RICTOR: variants seen among roughly 807,000 people sequenced by gnomAD.
RICTOR encodes RPTOR independent companion of MTOR complex 2, also known as rapamycin-insensitive companion of mTOR.
Under a neutral mutation model 214.9 loss-of-function variants are expected in RICTOR, and 49 were observed. The ratio of observed to expected loss-of-function variants is 0.23; its 90% CI spans 0.18 to 0.29. The LOEUF is 0.29. Among genes scored for constraint, RICTOR ranks in the 10% least tolerant of loss-of-function variants. The pLI, the probability that RICTOR is intolerant of heterozygous loss-of-function variation, is 1.00. For missense variants in RICTOR, 1,625 were observed against 2,047.0 expected (o/e 0.79, Z 3.98); for synonymous variants, 717 against 711.3 (o/e 1.01, Z -0.13).
At chr5:38,982,408 A>T (rs186943266) in intron 7 of RICTOR, among the ~76,000 whole-genome samples, 3 of 152,110 alleles carry the variant, frequency 2.0e-5, no homozygotes. Flanking sequence ...TCATTTCTCT[A>T]TATTTTTATT....
intron 3 of RICTOR, 79 bp from the exon 4 acceptor site, chr5:39,003,701 G>C: frequency 1.3e-6 from 1 of 772,858 alleles, no homozygotes. Context: ...ATTTACACTG[G>C]AAAATAAGGT....
intron 3 of RICTOR, among the ~76,000 whole-genome samples, chr5:39,020,759 G>A (rs112757954): frequency 6.6e-6 from 1 of 152,130 alleles, no homozygotes; most frequent in East Asian, 1.9e-4. Flanking sequence ...GAAGGCAAAA[G>A]AAATACATCC....
intron 2 of RICTOR, among the ~76,000 whole-genome samples, chr5:39,060,421 G>A (rs1758466393): frequency 6.6e-6 from 1 of 151,980 alleles, no homozygotes; most frequent in African/African-American, 2.4e-5. Flanking sequence ...AGAATTAAAG[G>A]ACTCCTAAAT....
At chr5:39,039,038 G>A (rs1373678599) in intron 2 of RICTOR, among the ~76,000 whole-genome samples, 2 of 152,150 alleles carry the variant, frequency 1.3e-5, no homozygotes, top group African/African-American at 4.8e-5. Context: ...AACAAAGCTG[G>A]AGACATCATG....
In RICTOR at chr5:38,959,839, C is replaced by T; in HGVS notation, c.1991G>A (p.Gly664Glu). ...TCCATGAGGGTGGCAAGAAAGTGTT[C>T]CAATAAATAAAAAGTAGTGTTGACT... The part of the protein sequence containing the change: ...TLSQHYFLFI[G>E]TLSCHPHGVK... Residue 664 changes from glycine (G) to glutamate (E), a missense_variant, in exon 21 of 38, where the codon GGA (glycine) becomes GAA (glutamate). This residue lies in a region of RICTOR where 1,214 missense variants were observed against 1,470.5 expected (regional missense o/e 0.83). Transcript: ENST00000357387. 1 of 1,613,478 alleles carries T rather than the reference C, an allele frequency of 6.2e-7. No individual in the cohort carries two copies. Among genetic ancestry groups the T allele is most frequent in the Non-Finnish European group, 8.5e-7 (1 of 1,179,614 alleles).
At chr5:39,052,769 CCTT>C (rs1757940371) in intron 2 of RICTOR, among the ~76,000 whole-genome samples, 1 of 152,168 alleles carries the variant, frequency 6.6e-6, no homozygotes, top group Non-Finnish European at 1.5e-5. Flanking sequence ...TAGAGAGCCT[CCTT>C]CTTTTGTTAA....
In RICTOR at chr5:38,959,308, A is replaced by G; in HGVS notation, c.2065T>C (p.Cys689Arg). 6.4e-7 allele frequency: 1 copy of G among 1,560,882 alleles called. No homozygotes were observed. Among genetic ancestry groups the G allele is most frequent in the East Asian group, 2.3e-5 (1 of 44,220 alleles). ...AAGTGATCTTGGTTTTTCAAGGAGC[A>G]AAGATTAAGGAGACTTAAAAGAAAA... ...CSVFQCLLNL[C>R]SLKNQDHLLK... is the part of the protein sequence containing the mutation. Residue 689 changes from cysteine (C) to arginine (R), a missense_variant, in exon 22 of 38, where the codon TGC (cysteine) becomes CGC (arginine). Coordinates refer to ENST00000357387, the MANE Select transcript of RICTOR (RefSeq NM_152756.5).
Position 38,959,771 on chromosome 5 carries a change from A to T in RICTOR, c.2051+8T>A. On this transcript the variant is annotated splice_region_variant and intron_variant, in intron 21 of 37. Coordinates refer to ENST00000357387, the MANE Select transcript of RICTOR (RefSeq NM_152756.5). ...GTATATATTGCAACAAAATCTGGGA[A>T]TGCTCACCACTGAAATACACTGCAT... is the stretch of plus-strand genomic sequence containing the variant. 1 of 1,596,212 alleles carries T rather than the reference A, an allele frequency of 6.3e-7. No individual in the cohort carries two copies. The highest frequency in any genetic ancestry group is 8.6e-7 in the Non-Finnish European group (1 of 1,163,866).
At chr5:39,039,762 A>G (rs978584641) in intron 2 of RICTOR, among the ~76,000 whole-genome samples, 5 of 152,192 alleles carry the variant, frequency 3.3e-5, no homozygotes, top group South Asian at 4.1e-4. Context: ...CAAAACCACA[A>G]TGAGATACCA....
At chr5:38,984,083 G>A (rs1014377209) in intron 7 of RICTOR, among the ~76,000 whole-genome samples, 9 of 151,792 alleles carry the variant, frequency 5.9e-5, no homozygotes, top group African/African-American at 2.2e-4. Context: ...ACCTGGATGA[G>A]TTTTTTTGGA....
chr5:38,951,658 C>A (rs771219010), intron 30 of RICTOR, among the ~76,000 whole-genome samples: 3 of 151,884 alleles, frequency 2.0e-5, no homozygotes, highest in Non-Finnish European at 2.9e-5. Context: ...AAAGGAAGAA[C>A]CATGCCTTAA....
chr5:39,057,762 G>A lies in RICTOR; in HGVS notation c.97+16349C>T, dbSNP rs188468677. Among the ~76,000 whole-genome samples the A allele has an allele frequency of 5.1e-4, 77 of 152,130 alleles. 1 individual carries two copies. The highest frequency in any genetic ancestry group is 1.8e-3 in the African/African-American group (74 of 41,522). On this transcript the variant is annotated intron_variant, in intron 2 of 37. Transcript: ENST00000357387. Reference sequence around the variant, plus strand: ...CTCAGAGTCAGCAAGGATCTGTCAAGGTTATATTAAGTGTTCCCATCTTCA... The same window carrying A: ...CTCAGAGTCAGCAAGGATCTGTCAAAGTTATATTAAGTGTTCCCATCTTCA...
intron 6 of RICTOR, 138 bp downstream of exon 6, chr5:38,996,681 T>C (rs1753199878): frequency 7.6e-6 from 4 of 527,512 alleles, no homozygotes; most frequent in Non-Finnish European, 9.9e-6. Flanking sequence ...ATTTATTTAA[T>C]ATAAAACTTT....
intron 12 of RICTOR, 140 bp from the exon 13 acceptor site, chr5:38,967,567 C>T (rs2150033074): frequency 1.6e-6 from 1 of 632,940 alleles, no homozygotes; most frequent in African/African-American, 1.9e-5. Context: ...AAGATACAGA[C>T]AAAAATTAGT....
chr5:38,975,641 A>C, intron 9 of RICTOR, 37 bp from the exon 10 acceptor site: 1 of 1,531,302 alleles, frequency 6.5e-7, no homozygotes, highest in Non-Finnish European at 9.0e-7. Flanking sequence ...AGAATCAATG[A>C]AATAAAATGT....
At chr5:39,057,099 A>G (rs970546710) in intron 2 of RICTOR, among the ~76,000 whole-genome samples, 1 of 152,214 alleles carries the variant, frequency 6.6e-6, no homozygotes, top group Non-Finnish European at 1.5e-5. Flanking sequence ...TAGTGAATTA[A>G]TAACTTCCCA....
intron 31 of RICTOR, among the ~76,000 whole-genome samples, chr5:38,948,712 T>C (rs931269341): frequency 7.2e-5 from 11 of 152,214 alleles, no homozygotes; most frequent in African/African-American, 2.6e-4. Flanking sequence ...CCTGGCTTTG[T>C]CCTGGACAAG....
chr5:39,012,986 G>C (rs1319393106), intron 3 of RICTOR, among the ~76,000 whole-genome samples: 1 of 152,150 alleles, frequency 6.6e-6, no homozygotes, highest in Non-Finnish European at 1.5e-5. Flanking sequence ...CCCATGGAAA[G>C]TGTTTATCTG....
At chr5:38,966,199 A>G (rs1487051741) in intron 15 of RICTOR, among the ~76,000 whole-genome samples, 1 of 152,244 alleles carries the variant, frequency 6.6e-6, no homozygotes, top group Non-Finnish European at 1.5e-5. Flanking sequence ...CCAAGACTAC[A>G]TTTAAAGCTT....
Sources: allele counts gnomAD v4.1 joint callset (sites outside exome capture counted in the v4.1 genomes callset), GRCh38; gene constraint gnomAD v4.1.1; regional missense constraint gnomAD v4.1.1; transcripts MANE v1.5; gene names NCBI Gene and HGNC (gene_info 2026-07-23, HGNC 2026-07-21).